MAPT: variants seen among roughly 807,000 people sequenced by gnomAD.
MAPT encodes microtubule associated protein tau.
Under a neutral mutation model 67.9 loss-of-function variants are expected in MAPT, and 34 were observed. The ratio of observed to expected loss-of-function variants is 0.50; its 90% CI spans 0.38 to 0.67. The LOEUF (loss-of-function observed/expected upper bound fraction) is 0.67. Among genes scored for constraint, MAPT ranks in the 30% least tolerant of loss-of-function variants. The pLI, the probability that MAPT is intolerant of heterozygous loss-of-function variation, is 0.00. For missense variants in MAPT, 881 were observed against 1,115.2 expected (o/e 0.79, Z 2.99); for synonymous variants, 456 against 464.5 (o/e 0.98, Z 0.23).
intron 8 of MAPT, chr17:45,994,000 G>A: frequency 6.4e-7 from 1 of 1,554,374 alleles, no homozygotes; most frequent in Non-Finnish European, 8.7e-7. Flanking sequence ...CTACTTCGCT[G>A]GGAGCAGCCT....
chr17:45,985,706 G>A (rs1485421751), intron 5 of MAPT: 23 of 985,314 alleles, frequency 2.3e-5, no homozygotes, highest in Non-Finnish European at 2.7e-5. Context: ...TTGTTGTGCC[G>A]TGGATGGTGC....
chr17:46,013,376 G>A (rs557427260), intron 10 of MAPT, among the ~76,000 whole-genome samples: 23 of 152,342 alleles, frequency 1.5e-4, no homozygotes, highest in Non-Finnish European at 2.2e-4. Context: ...TCCCTACAGC[G>A]TGCCCCCCAC....
In MAPT at chr17:45,967,195, G is replaced by A. The variant is rs534631654; in HGVS notation, c.134-4664G>A. ...ATGAAAGTTGGTTACCTATAAACTAGTGCACCCTAATGAATTAAAAGGTGT... is the reference window on the plus strand; with the variant it reads ...ATGAAAGTTGGTTACCTATAAACTAATGCACCCTAATGAATTAAAAGGTGT... On this transcript the variant is annotated intron_variant, in intron 2 of 12. Transcript: ENST00000262410. Among the ~76,000 whole-genome samples the A allele has an allele frequency of 2.0e-5, 3 of 152,350 alleles. No individual in the cohort carries two copies. The East Asian group carries it at 5.8e-4, about 29-fold the overall frequency.
At position 45,915,462 on chromosome 17, in the gene MAPT, T is replaced by TGTGATATGTGTGTGGTGTG; in HGVS notation, c.-18+20776_-18+20777insGTGATATGTGTGTGGTGTG. 2.6e-5 allele frequency among the ~76,000 whole-genome samples: 3 copies of TGTGATATGTGTGTGGTGTG among 115,840 alleles called. No homozygotes were observed. Among genetic ancestry groups the TGTGATATGTGTGTGGTGTG allele is most frequent in the Non-Finnish European group, 6.7e-5 (3 of 44,810 alleles). The allele number at this position is 115,840 out of a possible 152,430, so 76.0% of individuals were successfully genotyped here. On this transcript the variant is annotated intron_variant, in intron 1 of 12. Coordinates refer to ENST00000262410, the MANE Select transcript of MAPT (RefSeq NM_001377265.1). The surrounding 1 kb of genome is among the most constrained non-coding windows in gnomAD (Gnocchi z 4.4). ...TGTAAGCATGTGTGAGTGTGTATGT[T>TGTGATATGTGTGTGGTGTG]TGAGCATGTGTGGTGTGTTGTGATA...
At chr17:45,943,102 G>A (rs557866466) in intron 1 of MAPT, among the ~76,000 whole-genome samples, 3 of 152,316 alleles carry the variant, frequency 2.0e-5, no homozygotes, top group African/African-American at 7.2e-5. Flanking sequence ...CACCCTGGCT[G>A]GAGTGCAGTG....
At chr17:45,934,077 A>T (rs573458537) in intron 1 of MAPT, among the ~76,000 whole-genome samples, 13 of 152,224 alleles carry the variant, frequency 8.5e-5, no homozygotes, top group Admixed American at 7.8e-4. Flanking sequence ...AATTATGGTC[A>T]TGGGCCAGGT....
At chr17:45,923,967 G>C (rs141671969) in intron 1 of MAPT, among the ~76,000 whole-genome samples, 13 of 152,322 alleles carry the variant, frequency 8.5e-5, no homozygotes, top group African/African-American at 2.9e-4. Flanking sequence ...GATGGGTAAA[G>C]TGCTTAGAGT....
At chr17:46,003,209 C>T (rs1185877011) in intron 9 of MAPT, among the ~76,000 whole-genome samples, 6 of 152,022 alleles carry the variant, frequency 3.9e-5, no homozygotes, top group African/African-American at 1.4e-4. Context: ...TTTCTCTCTC[C>T]TTTTACCCCT....
intron 11 of MAPT, among the ~76,000 whole-genome samples, chr17:46,015,166 C>G (rs1316076163): frequency 6.6e-6 from 1 of 152,058 alleles, no homozygotes. Context: ...TTGAGACCAG[C>G]CTGGCCAACA....
chr17:45,999,556 C>A lies in MAPT; in HGVS notation c.1998+2892C>A, dbSNP rs1288565600. 1 of 1,613,028 alleles carries A rather than the reference C, an allele frequency of 6.2e-7. No individual in the cohort carries two copies. The highest frequency in any genetic ancestry group is 1.3e-5 in the African/African-American group (1 of 74,932). ...CAGGAATGGGGCTGAGCAGGGAAGA[C>A]AACTTTCCATTGAAGGCCCCTTTCA... is the stretch of plus-strand genomic sequence containing the variant. On this transcript the variant is annotated intron_variant, in intron 9 of 12. Coordinates refer to ENST00000262410, the MANE Select transcript of MAPT (RefSeq NM_001377265.1).
At chr17:45,959,796 T>G (rs2070183458) in intron 1 of MAPT, among the ~76,000 whole-genome samples, 1 of 151,994 alleles carries the variant, frequency 6.6e-6, no homozygotes. Context: ...AAAAAAATTA[T>G]GGACAAAGTT....
At chr17:45,946,773 A>T (rs1344426562) in intron 1 of MAPT, among the ~76,000 whole-genome samples, 3 of 151,836 alleles carry the variant, frequency 2.0e-5, no homozygotes, top group African/African-American at 7.3e-5. Context: ...TAAAACAAAC[A>T]AACAACACAA....
chr17:45,981,041 G>A (rs2072900026), intron 4 of MAPT, among the ~76,000 whole-genome samples: 1 of 152,240 alleles, frequency 6.6e-6, no homozygotes, highest in Non-Finnish European at 1.5e-5. Context: ...CCATGAGCAT[G>A]GCCAGTATCA....
Position 45,990,809 on chromosome 17 carries a change from T to C in MAPT, c.1606-651T>C, listed in dbSNP as rs560946475. On this transcript the variant is annotated intron_variant, in intron 7 of 12. Coordinates refer to ENST00000262410, the MANE Select transcript of MAPT (RefSeq NM_001377265.1). ...TTCTTTTTTGAGTTTGTGTTATGTC[T>C]AAGGGTCATCTGCTGGGTAACGGAA... Among the ~76,000 whole-genome samples, 3 of 152,216 alleles carry C rather than the reference T, an allele frequency of 2.0e-5. No homozygotes were observed. In the South Asian group the frequency reaches 6.2e-4, roughly 32 times the overall value.
intron 1 of MAPT, among the ~76,000 whole-genome samples, chr17:45,956,039 T>G (rs896043428): frequency 5.9e-5 from 9 of 152,212 alleles, no homozygotes; most frequent in African/African-American, 2.2e-4. Context: ...CCTAGCCTCC[T>G]TCCATTTAAA....
At chr17:45,956,407 C>T (rs996268524) in intron 1 of MAPT, among the ~76,000 whole-genome samples, 1 of 152,030 alleles carries the variant, frequency 6.6e-6, no homozygotes, top group Non-Finnish European at 1.5e-5. Flanking sequence ...GAGGCTCTCT[C>T]CAAAGGGAGC....
chr17:45,982,845 A>C, intron 4 of MAPT, 21 bp from the exon 5 acceptor site: 2 of 1,250,170 alleles, frequency 1.6e-6, no homozygotes, highest in Non-Finnish European at 1.0e-6. Context: ...ACCTTTTGCT[A>C]TCGCTGCCTC....
intron 6 of MAPT, among the ~76,000 whole-genome samples, chr17:45,989,517 G>C (rs2073887649): frequency 6.6e-6 from 1 of 152,144 alleles, no homozygotes; most frequent in Non-Finnish European, 1.5e-5. Flanking sequence ...CGGGCGTGGT[G>C]GTGGGCGCCT....
At chr17:45,972,353 G>A (rs763186646) in intron 3 of MAPT, among the ~76,000 whole-genome samples, 8 of 152,162 alleles carry the variant, frequency 5.3e-5, no homozygotes, top group Non-Finnish European at 1.2e-4. Context: ...CTTCATTTTG[G>A]GGGCTCTGGG....
Sources: gnomAD v4.1 joint callset for allele counts (sites outside exome capture counted in the v4.1 genomes callset) on GRCh38, gnomAD v4.1.1 for gene constraint, Gnocchi (gnomAD v3.1) non-coding constraint, MANE v1.5 for transcripts, NCBI Gene and HGNC (gene_info 2026-07-23, HGNC 2026-07-21) for gene names.